Variants in KMT2E observed in about 807,000 individuals in gnomAD.
KMT2E encodes histone reader KMT2E.
Under a neutral mutation model 184.6 loss-of-function variants are expected in KMT2E, and 30 were observed. The ratio of observed to expected loss-of-function variants is 0.16; its 90% confidence interval spans 0.12 to 0.22. KMT2E has a LOEUF of 0.22. KMT2E is among the 10% of genes least tolerant of loss of function. The probability of loss-of-function intolerance (pLI) is 1.00; values close to 1 mark genes in which losing one functional copy is unlikely to be tolerated. For synonymous variants in KMT2E, 815 were observed against 776.5 expected, an observed-to-expected ratio of 1.05 and a Z score of -0.82; for missense variants, 2,023 against 2,237.4, an observed-to-expected ratio of 0.90 and a Z score of 1.93.
intron 5 of KMT2E, among the ~76,000 whole-genome samples, chr7:105,065,346 T>C (rs1189995789): frequency 6.6e-6 from 1 of 152,208 alleles, no homozygotes; most frequent in East Asian, 1.9e-4. Context: ...CTAACCCTTG[T>C]CATTTGTGCT....
At chr7:105,062,029 G>T in intron 3 of KMT2E, 135 bp from the exon 4 acceptor site, 1 of 626,960 alleles carries the variant, frequency 1.6e-6, no homozygotes, top group Non-Finnish European at 2.9e-6. Context: ...TATCTATAGT[G>T]TATCCACCTG....
At chr7:105,032,977 C>T (rs1424859027) in intron 1 of KMT2E, among the ~76,000 whole-genome samples, 3 of 152,166 alleles carry the variant, frequency 2.0e-5, no homozygotes, top group Non-Finnish European at 2.9e-5. Flanking sequence ...GATTTTCAAA[C>T]AGTTCTTCAG....
chr7:105,029,008 T>C (rs1019124818), intron 1 of KMT2E, among the ~76,000 whole-genome samples: 5 of 152,130 alleles, frequency 3.3e-5, no homozygotes, highest in African/African-American at 4.8e-5. Flanking sequence ...CTCATGTCTA[T>C]AATCCCAGCA....
At chr7:105,033,509 G>C (rs1252490688) in intron 1 of KMT2E, among the ~76,000 whole-genome samples, 1 of 151,622 alleles carries the variant, frequency 6.6e-6, no homozygotes, top group African/African-American at 2.4e-5. Flanking sequence ...TTTTGTTTTT[G>C]CTTTTTTGAG....
At chr7:105,020,670 CTT>C (rs1167096291) in intron 1 of KMT2E, among the ~76,000 whole-genome samples, 1 of 152,110 alleles carries the variant, frequency 6.6e-6, no homozygotes, top group African/African-American at 2.4e-5. Flanking sequence ...TTTATGTTGA[CTT>C]TTGTTTTCAT....
intron 22 of KMT2E, chr7:105,108,566 G>C (rs978368235): frequency 6.5e-6 from 3 of 458,396 alleles, no homozygotes; most frequent in Non-Finnish European, 1.3e-5. Context: ...AACTTTGTGG[G>C]AAGCAATGTA....
chr7:105,067,169 A>T (rs931532337), intron 6 of KMT2E, among the ~76,000 whole-genome samples: 1 of 150,514 alleles, frequency 6.6e-6, no homozygotes, highest in Non-Finnish European at 1.5e-5. Context: ...TATTCTTACT[A>T]TTATTTTTGT....
intron 3 of KMT2E, among the ~76,000 whole-genome samples, chr7:105,050,591 A>G (rs957022794): frequency 6.0e-5 from 9 of 151,054 alleles, no homozygotes; most frequent in African/African-American, 2.2e-4. Context: ...ACTTTTGGTT[A>G]TTGTTTTTTA....
intron 18 of KMT2E, 39 bp from the exon 19 acceptor site, chr7:105,105,820 A>G: frequency 6.3e-7 from 1 of 1,594,714 alleles, no homozygotes; most frequent in African/African-American, 1.4e-5. Flanking sequence ...AACAGCTACA[A>G]AGTGATTCCT....
In KMT2E at chr7:105,112,469, G is replaced by C; in HGVS notation, c.4713G>C (p.Gln1571His). The C allele has an allele frequency of 6.2e-7, 1 of 1,613,712 alleles. No homozygotes were observed. Residue 1571 changes from glutamine to histidine, a missense_variant, in exon 27 of 27, where the codon CAG (glutamine) becomes CAC (histidine). Gln to His is a conservative substitution (Grantham distance 24). Transcript: ENST00000311117. The part of the protein sequence containing the change: ...QPSANFQNYN[Q>H]LKGSLSQQTV... ...CTGCAAACTTTCAGAATTATAATCA[G>C]CTCAAAGGTAGTCTTTCTCAACAAA...
At chr7:105,016,645 A>G (rs1484305950) in intron 1 of KMT2E, among the ~76,000 whole-genome samples, 9 of 152,234 alleles carry the variant, frequency 5.9e-5, no homozygotes, top group Non-Finnish European at 1.3e-4. Context: ...TTTGGGTTGA[A>G]CTAAGCAGTG....
chr7:105,086,967 A>G (rs995749654), intron 13 of KMT2E, among the ~76,000 whole-genome samples: 1 of 147,040 alleles, frequency 6.8e-6, no homozygotes, highest in African/African-American at 2.5e-5. Flanking sequence ...TAATATTAGC[A>G]TATATACTAT....
At chr7:105,020,934 CAT>C (rs901092709) in intron 1 of KMT2E, among the ~76,000 whole-genome samples, 37 of 152,292 alleles carry the variant, frequency 2.4e-4, no homozygotes, top group African/African-American at 8.2e-4. Context: ...GTATGAGAAA[CAT>C]ACACTCTTCT....
In KMT2E at chr7:105,107,789, A is replaced by T; in HGVS notation, c.3332A>T (p.Asp1111Val). ...GAGTCAAAGTGCCTGATGCAGGATG[A>T]TACTAGAGGCATGTTTATGGAAACA... is the stretch of plus-strand genomic sequence containing the variant. ...ISESKCLMQDDTRGMFMETTV... is the reference protein window; with the variant it reads ...ISESKCLMQDVTRGMFMETTV... Residue 1111 changes from aspartate to valine, a missense_variant, in exon 22 of 27, where the codon GAT (aspartate) becomes GTT (valine). Coordinates refer to ENST00000311117, the MANE Select transcript of KMT2E (RefSeq NM_182931.3). 6.2e-7 allele frequency: 1 copy of T among 1,614,130 alleles called. No individual in the cohort carries two copies. The highest frequency in any genetic ancestry group is 8.5e-7 in the Non-Finnish European group (1 of 1,180,014).
At chr7:105,027,555 T>G (rs1795222693) in intron 1 of KMT2E, among the ~76,000 whole-genome samples, 1 of 152,240 alleles carries the variant, frequency 6.6e-6, no homozygotes, top group Non-Finnish European at 1.5e-5. Flanking sequence ...AGTATTTTTC[T>G]TATTGGATAT....
chr7:105,052,327 C>T (rs1796384615), intron 3 of KMT2E, among the ~76,000 whole-genome samples: 2 of 152,168 alleles, frequency 1.3e-5, no homozygotes. Context: ...ATATCACATA[C>T]TAGTGAGGCC....
At chr7:105,083,250 A>G (rs1330519568) in intron 13 of KMT2E, among the ~76,000 whole-genome samples, 3 of 152,112 alleles carry the variant, frequency 2.0e-5, no homozygotes, top group African/African-American at 4.8e-5. Context: ...CTTCTCTTTC[A>G]GGGTTCTGTT....
chr7:105,081,939 GT>G, intron 13 of KMT2E, 142 bp downstream of exon 13: 1 of 483,798 alleles, frequency 2.1e-6, no homozygotes, highest in South Asian at 3.6e-5. Context: ...AAAACCAGAA[GT>G]TTAGTATCAG....
chr7:105,098,553 G>A (rs534040923), intron 15 of KMT2E, among the ~76,000 whole-genome samples: 6 of 151,982 alleles, frequency 3.9e-5, no homozygotes, highest in Admixed American at 6.6e-5. Flanking sequence ...CTACAGGCGC[G>A]TGCCACACCT....
Sources: allele counts gnomAD v4.1 joint callset (sites outside exome capture counted in the v4.1 genomes callset), GRCh38; gene constraint gnomAD v4.1.1; transcripts MANE v1.5; gene names NCBI Gene and HGNC (gene_info 2026-07-23, HGNC 2026-07-21).